Variants in CACNA2D3 observed in about 807,000 individuals in gnomAD.
CACNA2D3 encodes the protein voltage-dependent calcium channel subunit alpha-2/delta-3.
CACNA2D3 carries 60 observed loss-of-function variants against 160.6 expected under a neutral mutation model. The ratio of observed to expected loss-of-function variants is 0.37; its 90% confidence interval spans 0.30 to 0.46. The LOEUF is 0.46. CACNA2D3 is among the 20% of genes least tolerant of loss of function. CACNA2D3 has a pLI of 1.00. For synonymous variants in CACNA2D3, 558 were observed against 492.9 expected (o/e 1.13, Z -1.75); for missense variants, 1,205 against 1,365.0 (o/e 0.88, Z 1.85).
rs1408515703 is a variant in CACNA2D3, at chr3:54,168,427, C to T, written c.204+44833C>T. ...AAATGTGAAGATAAGTGAACAGCCG[C>T]GCAGTGATGTTGAATAAGTTAGGGT... On this transcript the variant is annotated intron_variant, in intron 2 of 37. Coordinates refer to ENST00000474759, the MANE Select transcript of CACNA2D3 (RefSeq NM_018398.3). Among the ~76,000 whole-genome samples the T allele has an allele frequency of 3.3e-5, 5 of 152,120 alleles. No homozygotes were observed. In the East Asian group the frequency reaches 7.7e-4, roughly 23 times the overall value.
chr3:55,039,149 C>T (rs1033434995), intron 35 of CACNA2D3, among the ~76,000 whole-genome samples: 1 of 151,914 alleles, frequency 6.6e-6, no homozygotes, highest in African/African-American at 2.4e-5. Flanking sequence ...GAAATAGAGC[C>T]ATAGAAAAAC....
At chr3:54,463,479 A>T (rs548857873) in intron 4 of CACNA2D3, among the ~76,000 whole-genome samples, 494 of 152,096 alleles carry the variant, frequency 3.2e-3, no homozygotes, top group Middle Eastern at 6.8e-3. Flanking sequence ...ATTTCTTTTT[A>T]TTCTTTTTTC....
At chr3:54,164,046 G>A (rs1204162261) in intron 2 of CACNA2D3, among the ~76,000 whole-genome samples, 1 of 152,232 alleles carries the variant, frequency 6.6e-6, no homozygotes, top group African/African-American at 2.4e-5. Flanking sequence ...GCCACGCGGT[G>A]GAGTTTGAAC....
chr3:54,931,619 C>T (rs980045587), intron 27 of CACNA2D3, among the ~76,000 whole-genome samples: 4 of 152,144 alleles, frequency 2.6e-5, no homozygotes, highest in African/African-American at 7.2e-5. Context: ...TGCCAGGACC[C>T]CAGGTTCCCA....
chr3:54,839,661 C>T (rs903539338), intron 16 of CACNA2D3, among the ~76,000 whole-genome samples: 2 of 152,290 alleles, frequency 1.3e-5, no homozygotes, highest in African/African-American at 4.8e-5. Flanking sequence ...CTGCCAGGGG[C>T]TTCTTTCTTG....
chr3:54,641,551 A>G (rs1010903101), intron 10 of CACNA2D3, among the ~76,000 whole-genome samples: 7 of 152,328 alleles, frequency 4.6e-5, no homozygotes, highest in Admixed American at 2.0e-4. Flanking sequence ...AAGGGAAGGA[A>G]ATTCTCTAGC....
At chr3:54,417,622 T>G (rs1424454795) in intron 4 of CACNA2D3, among the ~76,000 whole-genome samples, 1 of 152,170 alleles carries the variant, frequency 6.6e-6, no homozygotes, top group African/African-American at 2.4e-5. Flanking sequence ...TAAAATTACC[T>G]ATTATCTCCC....
chr3:54,898,101 C>CTTT, intron 26 of CACNA2D3, among the ~76,000 whole-genome samples: 1 of 146,360 alleles, frequency 6.8e-6, no homozygotes, highest in East Asian at 1.9e-4. Flanking sequence ...TTCCTTCCTT[C>CTTT]CTTTCTTTCT....
At chr3:54,811,160 C>T (rs150549231) in intron 13 of CACNA2D3, among the ~76,000 whole-genome samples, 1 of 152,230 alleles carries the variant, frequency 6.6e-6, no homozygotes, top group African/African-American at 2.4e-5. Context: ...CTACCCTACA[C>T]CTCTGCCTGC....
intron 2 of CACNA2D3, among the ~76,000 whole-genome samples, chr3:54,185,511 G>A (rs1407325367): frequency 6.6e-6 from 1 of 151,942 alleles, no homozygotes; most frequent in Non-Finnish European, 1.5e-5. Context: ...GATTTTTAGA[G>A]GTCAGTAACA....
chr3:55,035,607 A>G (rs145082537), intron 35 of CACNA2D3, among the ~76,000 whole-genome samples: 18 of 152,186 alleles, frequency 1.2e-4, no homozygotes, highest in Middle Eastern at 6.8e-3. Flanking sequence ...GATTCTAACC[A>G]TTTCCTCACT....
At chr3:54,947,820 G>T (rs1310242854) in intron 27 of CACNA2D3, among the ~76,000 whole-genome samples, 5 of 152,150 alleles carry the variant, frequency 3.3e-5, no homozygotes, top group African/African-American at 1.2e-4. Flanking sequence ...GGGGATGTGG[G>T]TCAGGAAGCA....
At chr3:54,398,173 G>A (rs1008436600) in intron 4 of CACNA2D3, among the ~76,000 whole-genome samples, 1 of 132,254 alleles carries the variant, frequency 7.6e-6, no homozygotes, top group Non-Finnish European at 1.6e-5. Context: ...TGGCTAGGTA[G>A]ATCTTCCTCC....
chr3:54,696,035 C>T (rs1408125266), intron 11 of CACNA2D3, among the ~76,000 whole-genome samples: 4 of 152,166 alleles, frequency 2.6e-5, no homozygotes, highest in African/African-American at 7.2e-5. Context: ...CTTGTCTCCC[C>T]CAGTGTGGTC....
At chr3:55,023,821 G>C (rs1703508930) in intron 35 of CACNA2D3, among the ~76,000 whole-genome samples, 1 of 151,460 alleles carries the variant, frequency 6.6e-6, no homozygotes, top group African/African-American at 2.4e-5. Flanking sequence ...ATGTAGTTTA[G>C]GCTTGAAGTT....
intron 11 of CACNA2D3, among the ~76,000 whole-genome samples, chr3:54,719,751 A>G (rs1428981312): frequency 7.9e-5 from 12 of 152,136 alleles, no homozygotes; most frequent in East Asian, 1.9e-4. Flanking sequence ...GAAGAATTCA[A>G]TGGTGAAGCC....
intron 27 of CACNA2D3, among the ~76,000 whole-genome samples, chr3:54,909,593 T>C (rs1398616626): frequency 6.6e-6 from 1 of 151,434 alleles, no homozygotes; most frequent in Non-Finnish European, 1.5e-5. Flanking sequence ...CAAATGCAGC[T>C]CAACACAAAT....
chr3:54,323,284 C>T (rs1236696593), intron 3 of CACNA2D3, among the ~76,000 whole-genome samples: 1 of 152,114 alleles, frequency 6.6e-6, no homozygotes, highest in Non-Finnish European at 1.5e-5. Flanking sequence ...GATTTGTGAA[C>T]ATTTGAAGAG....
chr3:54,233,041 T>C (rs913382613), intron 2 of CACNA2D3, among the ~76,000 whole-genome samples: 1 of 152,034 alleles, frequency 6.6e-6, no homozygotes, highest in African/African-American at 2.4e-5. Flanking sequence ...GAAAGACAAA[T>C]ATGGCGGGCT....
Sources: gnomAD v4.1 joint callset for allele counts (sites outside exome capture counted in the v4.1 genomes callset) on GRCh38, gnomAD v4.1.1 for gene constraint, MANE v1.5 for transcripts, NCBI Gene and HGNC (gene_info 2026-07-23, HGNC 2026-07-21) for gene names.